MTSS1: variants seen among roughly 807,000 people sequenced by gnomAD.
MTSS1 encodes the protein MTSS I-BAR domain containing 1, also known as protein MTSS 1.
A neutral mutation model predicts 79.0 loss-of-function variants in MTSS1; 18 were observed. That is an observed-to-expected ratio of 0.23 (90% CI 0.16 to 0.34). The LOEUF is 0.34. Among genes scored for constraint, MTSS1 ranks in the 10% least tolerant of loss-of-function variants. MTSS1 has a pLI of 1.00. For missense variants in MTSS1, 815 were observed against 986.2 expected, an observed-to-expected ratio of 0.83 and a Z score of 2.33; for synonymous variants, 341 against 368.6, an observed-to-expected ratio of 0.93 and a Z score of 0.86.
intron 3 of MTSS1, among the ~76,000 whole-genome samples, chr8:124,648,058 A>G (rs1819303914): frequency 1.3e-5 from 2 of 152,182 alleles, no homozygotes; most frequent in South Asian, 2.1e-4. Flanking sequence ...AATCCTATTT[A>G]TGGTGGGCAT....
chr8:124,608,924 T>A (rs1835301902), intron 3 of MTSS1, among the ~76,000 whole-genome samples: 1 of 152,316 alleles, frequency 6.6e-6, no homozygotes, highest in African/African-American at 2.4e-5. Context: ...TAAACTTCAG[T>A]ATACACAAGG....
intron 3 of MTSS1, among the ~76,000 whole-genome samples, chr8:124,649,715 C>T (rs1186254326): frequency 6.6e-6 from 1 of 152,038 alleles, no homozygotes; most frequent in Non-Finnish European, 1.5e-5. Context: ...GCTATGACCT[C>T]GAAAAGATCA....
chr8:124,556,207 C>T (rs1339994583), intron 12 of MTSS1, 25 bp downstream of exon 12: 11 of 1,614,104 alleles, frequency 6.8e-6, no homozygotes, highest in Non-Finnish European at 8.5e-6. Context: ...TGGCCCCAAC[C>T]AGCTACTGAG....
chr8:124,656,657 A>G (rs1401903189), intron 3 of MTSS1, among the ~76,000 whole-genome samples: 2 of 151,868 alleles, frequency 1.3e-5, no homozygotes, highest in Non-Finnish European at 2.9e-5. Context: ...GAATGCCTGC[A>G]GTCCCAACTA....
intron 1 of MTSS1, among the ~76,000 whole-genome samples, chr8:124,719,969 G>A (rs1459182678): frequency 6.6e-6 from 1 of 152,190 alleles, no homozygotes; most frequent in Admixed American, 6.5e-5. Flanking sequence ...GCTAGGAAAC[G>A]CTAGAGCCGG....
At chr8:124,705,817 C>T (rs1241823727) in intron 1 of MTSS1, among the ~76,000 whole-genome samples, 3 of 152,186 alleles carry the variant, frequency 2.0e-5, no homozygotes, top group Non-Finnish European at 2.9e-5. Context: ...AATTCTTTGT[C>T]GTGGGGGGCT....
chr8:124,617,162 C>T (rs997423335), intron 3 of MTSS1, among the ~76,000 whole-genome samples: 6 of 152,168 alleles, frequency 3.9e-5, no homozygotes, highest in African/African-American at 1.4e-4. Context: ...ATGTTTTTTC[C>T]AGAATCATTC....
At chr8:124,591,575 T>C (rs144712117) in intron 3 of MTSS1, among the ~76,000 whole-genome samples, 3 of 152,332 alleles carry the variant, frequency 2.0e-5, no homozygotes, top group African/African-American at 7.2e-5. Context: ...TGACCTGTAG[T>C]TTGAAAAATA....
intron 3 of MTSS1, among the ~76,000 whole-genome samples, chr8:124,698,314 C>G (rs559434630): frequency 1.0e-3 from 152 of 152,178 alleles, no homozygotes; most frequent in Non-Finnish European, 1.8e-3. Flanking sequence ...GCCCTACAAC[C>G]CAAATTTTCC....
chr8:124,565,682 G>C lies in MTSS1; in HGVS notation c.804C>G (p.Ser268=), dbSNP rs1563760957. The C allele has an allele frequency of 5.0e-6, 8 of 1,614,040 alleles. No homozygotes were observed. The highest frequency in any genetic ancestry group is 6.8e-6 in the Non-Finnish European group (8 of 1,179,942). The change falls in exon 9 of 14, where the codon TCC becomes TCG. Residue 268 remains serine (S), a synonymous_variant. Coordinates refer to ENST00000518547, the MANE Select transcript of MTSS1 (RefSeq NM_014751.6). ...CTCACCTGCAGACACTGGACTTTCTGGACATGGTGGTGCTGGGGGAAGAGG... is the reference window on the plus strand; with the variant it reads ...CTCACCTGCAGACACTGGACTTTCTCGACATGGTGGTGCTGGGGGAAGAGG... The part of the protein sequence containing the change: ...TPPSSPSTTM[S]RKSSVCSSLN...
chr8:124,638,019 T>C (rs754363132), intron 3 of MTSS1, among the ~76,000 whole-genome samples: 22 of 152,350 alleles, frequency 1.4e-4, no homozygotes, highest in Admixed American at 3.9e-4. Context: ...GGGAGCAGCG[T>C]AGTACTTCCC....
rs1188283279 is a variant in MTSS1, at chr8:124,727,096, GCACACACACATGCACGCGCGCA to G, written c.72+766_72+787del. On this transcript the variant is annotated intron_variant, in intron 1 of 13. Coordinates refer to ENST00000518547, the MANE Select transcript of MTSS1 (RefSeq NM_014751.6). This position sits in a 1 kb window ranked among gnomAD's most constrained non-coding sequence, Gnocchi z 4.7. ...GTTCCCCGCCCCCACGCGCGCGCGCGCACACACACATGCACGCGCGCACACACACACCATCTTCACAACCCTT... is the reference window on the plus strand; with the variant it reads ...GTTCCCCGCCCCCACGCGCGCGCGCGCACACACACCATCTTCACAACCCTT... 6.6e-6 allele frequency among the ~76,000 whole-genome samples: 1 copy of G among 151,712 alleles called. No individual in the cohort carries two copies. The highest frequency in any genetic ancestry group is 2.4e-5 in the African/African-American group (1 of 41,324).
chr8:124,711,413 C>T (rs1831144323), intron 1 of MTSS1, among the ~76,000 whole-genome samples: 1 of 152,174 alleles, frequency 6.6e-6, no homozygotes, highest in Admixed American at 6.5e-5. Flanking sequence ...CAGAGAGCTC[C>T]AGGTTGCAAT....
chr8:124,718,761 C>G (rs1035814614), intron 1 of MTSS1, among the ~76,000 whole-genome samples: 6 of 152,154 alleles, frequency 3.9e-5, no homozygotes, highest in African/African-American at 7.2e-5. Context: ...TGGAGCGACC[C>G]TTGACAGAGG....
Position 124,574,399 on chromosome 8 carries a change from G to A in MTSS1, c.461-5863C>T, listed in dbSNP as rs563068375. On this transcript the variant is annotated intron_variant, in intron 6 of 13. Transcript: ENST00000518547. ...AATGAATATCCGTTTTGATAGATGG[G>A]GAAACTGAGACTGAGGGAGGCAAAG... Among the ~76,000 whole-genome samples, 5 of 152,222 alleles carry A rather than the reference G, an allele frequency of 3.3e-5. No individual in the cohort carries two copies. The South Asian group carries it at 1.0e-3, about 32-fold the overall frequency.
chr8:124,558,607 T>G (rs1047537269), intron 10 of MTSS1: 87 of 1,383,930 alleles, frequency 6.3e-5, no homozygotes, highest in Non-Finnish European at 7.4e-5. Flanking sequence ...CCACTCTTGG[T>G]GTCGATTCTG....
At chr8:124,655,330 T>A (rs1002405357) in intron 3 of MTSS1, among the ~76,000 whole-genome samples, 1 of 152,166 alleles carries the variant, frequency 6.6e-6, no homozygotes. Context: ...GTTGCAACAG[T>A]TAGTGGTCAA....
intron 9 of MTSS1, chr8:124,563,307 G>C: frequency 2.8e-6 from 1 of 357,602 alleles, no homozygotes; most frequent in Non-Finnish European, 5.2e-6. Context: ...CGTCAAGTGC[G>C]CCCAACTCTG....
At chr8:124,591,826 G>A (rs1831931017) in intron 3 of MTSS1, among the ~76,000 whole-genome samples, 1 of 152,134 alleles carries the variant, frequency 6.6e-6, no homozygotes, top group South Asian at 2.1e-4. Context: ...TGTTGCCCAG[G>A]CTGGAGTGCA....
Sources: allele counts gnomAD v4.1 joint callset (sites outside exome capture counted in the v4.1 genomes callset), GRCh38; gene constraint gnomAD v4.1.1; non-coding constraint Gnocchi (gnomAD v3.1); transcripts MANE v1.5; gene names NCBI Gene and HGNC (gene_info 2026-07-23, HGNC 2026-07-21).